ARHGAP15: variants seen among roughly 807,000 people sequenced by gnomAD.
ARHGAP15 encodes the protein rho GTPase-activating protein 15.
ARHGAP15 carries 51 observed loss-of-function variants against 63.7 expected under a neutral mutation model. The ratio of observed to expected loss-of-function variants is 0.80; its 90% CI spans 0.64 to 1.01. ARHGAP15 has a LOEUF of 1.01. Ranked by LOEUF, ARHGAP15 falls within the 50% of genes least tolerant of loss-of-function variation. The pLI is 0.00. For synonymous variants in ARHGAP15, 191 were observed against 193.8 expected, an observed-to-expected ratio of 0.99 and a Z score of 0.12; for missense variants, 560 against 564.6, an observed-to-expected ratio of 0.99 and a Z score of 0.08.
At chr2:143,423,646 C>A (rs1162073533) in intron 6 of ARHGAP15, among the ~76,000 whole-genome samples, 2 of 152,084 alleles carry the variant, frequency 1.3e-5, no homozygotes, top group African/African-American at 4.8e-5. Context: ...TAGGCAGTGT[C>A]TGAGTAGTTT....
chr2:143,179,407 C>T (rs1402046914), intron 2 of ARHGAP15, among the ~76,000 whole-genome samples: 2 of 152,194 alleles, frequency 1.3e-5, no homozygotes, highest in Non-Finnish European at 2.9e-5. Context: ...CTAGACATAG[C>T]TCAACTGTGT....
chr2:143,225,576 A>T (rs1046816519), intron 4 of ARHGAP15, among the ~76,000 whole-genome samples: 4 of 152,234 alleles, frequency 2.6e-5, no homozygotes, highest in African/African-American at 2.4e-5. Context: ...ACTCCAGTCC[A>T]GCCTGGGCGA....
intron 10 of ARHGAP15, among the ~76,000 whole-genome samples, chr2:143,546,842 A>T (rs1230371164): frequency 6.6e-6 from 1 of 152,164 alleles, no homozygotes; most frequent in African/African-American, 2.4e-5. Flanking sequence ...AGATACACTA[A>T]GTTTTTCTTC....
chr2:143,629,129 T>C (rs573366822), intron 12 of ARHGAP15, among the ~76,000 whole-genome samples: 2 of 151,950 alleles, frequency 1.3e-5, no homozygotes, highest in South Asian at 4.2e-4. Context: ...AGTTATCACA[T>C]AGTCCAAGAA....
At chr2:143,205,043 C>A (rs929828895) in intron 3 of ARHGAP15, among the ~76,000 whole-genome samples, 1 of 151,686 alleles carries the variant, frequency 6.6e-6, no homozygotes, top group Non-Finnish European at 1.5e-5. Flanking sequence ...AGGGGGCTCA[C>A]TTTAGGTTGG....
rs78502209 is a variant in ARHGAP15, at chr2:143,751,819, C to A, written c.1245-16170C>A. Reference sequence around the variant, plus strand: ...AAGCCCTATGTGGATCATCTGGGTGCCACTCTGTCCCCCTGGTGTAACAGC... The same window carrying A: ...AAGCCCTATGTGGATCATCTGGGTGACACTCTGTCCCCCTGGTGTAACAGC... On this transcript the variant is annotated intron_variant, in intron 13 of 13. Transcript: ENST00000295095. 4.1e-4 allele frequency among the ~76,000 whole-genome samples: 63 copies of A among 152,210 alleles called. 1 individual carries two copies. In the East Asian group the frequency reaches 0.011, roughly 26 times the overall value.
intron 4 of ARHGAP15, among the ~76,000 whole-genome samples, chr2:143,226,951 G>A (rs772607008): frequency 2.0e-5 from 3 of 151,982 alleles, no homozygotes; most frequent in Non-Finnish European, 2.9e-5. Context: ...AATAAATTAC[G>A]CAAAGATCTT....
rs574328552 is a variant in ARHGAP15, at chr2:143,331,499, A to G, written c.474+80899A>G. ...GTTTTGTTAAAATCCAGCAGAGCAC[A>G]TAATGAGTAACTATCATTCAATAAA... On this transcript the variant is annotated intron_variant, in intron 6 of 13. Coordinates refer to ENST00000295095, the MANE Select transcript of ARHGAP15 (RefSeq NM_018460.4). Among the ~76,000 whole-genome samples, 18 of 152,334 alleles carry G rather than the reference A, an allele frequency of 1.2e-4. No individual in the cohort carries two copies. In the South Asian group the frequency reaches 3.7e-3, roughly 32 times the overall value.
intron 9 of ARHGAP15, among the ~76,000 whole-genome samples, 167 bp downstream of exon 9, chr2:143,487,662 G>T (rs1029240782): frequency 6.6e-6 from 1 of 152,192 alleles, no homozygotes; most frequent in African/African-American, 2.4e-5. Context: ...CCAGAAAACA[G>T]ATCCTGAGAA....
At chr2:143,385,232 T>C (rs1394663894) in intron 6 of ARHGAP15, among the ~76,000 whole-genome samples, 1 of 152,086 alleles carries the variant, frequency 6.6e-6, no homozygotes, top group Non-Finnish European at 1.5e-5. Flanking sequence ...ATGCAGTTAT[T>C]TACAATGATT....
chr2:143,548,162 T>C (rs1360877168), intron 10 of ARHGAP15, among the ~76,000 whole-genome samples: 1 of 152,066 alleles, frequency 6.6e-6, no homozygotes, highest in East Asian at 1.9e-4. Flanking sequence ...ATATTAATGA[T>C]AAATATTTTT....
intron 12 of ARHGAP15, among the ~76,000 whole-genome samples, chr2:143,638,647 ATAATAATAAAAAATAAAT>A (rs1369420401): frequency 7.6e-6 from 1 of 132,402 alleles, no homozygotes. Flanking sequence ...AACTTAAAGT[ATAATAATAAAAAATAAAT>A]AAATAAAAGA....
intron 2 of ARHGAP15, among the ~76,000 whole-genome samples, chr2:143,160,140 A>G (rs1483408783): frequency 6.6e-6 from 1 of 151,888 alleles, no homozygotes; most frequent in Admixed American, 6.6e-5. Flanking sequence ...CCTTTTATCT[A>G]GCTCTGTAGT....
At chr2:143,581,630 C>T (rs559798009) in intron 11 of ARHGAP15, among the ~76,000 whole-genome samples, 1 of 152,106 alleles carries the variant, frequency 6.6e-6, no homozygotes, top group African/African-American at 2.4e-5. Flanking sequence ...GGCTTGTTAC[C>T]TTTACCTCTA....
At chr2:143,551,510 G>T (rs1204516540) in intron 10 of ARHGAP15, among the ~76,000 whole-genome samples, 1 of 152,166 alleles carries the variant, frequency 6.6e-6, no homozygotes, top group South Asian at 2.1e-4. Context: ...GGCAGCTACT[G>T]TACTTAGTTC....
At chr2:143,721,690 CT>C (rs890798975) in intron 13 of ARHGAP15, among the ~76,000 whole-genome samples, 200 of 145,816 alleles carry the variant, frequency 1.4e-3, no homozygotes, top group Admixed American at 1.5e-3. Flanking sequence ...CCTTTTTAAA[CT>C]TTTTTTTTTT....
chr2:143,383,584 G>A (rs564618155), intron 6 of ARHGAP15, among the ~76,000 whole-genome samples: 5 of 152,188 alleles, frequency 3.3e-5, no homozygotes, highest in East Asian at 1.9e-4. Flanking sequence ...TAACATTCTC[G>A]ATATTAAGCC....
intron 12 of ARHGAP15, among the ~76,000 whole-genome samples, chr2:143,666,961 C>T (rs1381187395): frequency 7.1e-6 from 1 of 140,232 alleles, no homozygotes; most frequent in Non-Finnish European, 1.5e-5. Flanking sequence ...AACACTTTTA[C>T]ACTGTTGGTG....
chr2:143,716,227 C>A (rs775564047), intron 13 of ARHGAP15, among the ~76,000 whole-genome samples: 2 of 152,102 alleles, frequency 1.3e-5, no homozygotes, highest in African/African-American at 2.4e-5. Context: ...TAAAAGGGTG[C>A]AAGCACTACA....
Sources: allele counts gnomAD v4.1 joint callset (sites outside exome capture counted in the v4.1 genomes callset), GRCh38; gene constraint gnomAD v4.1.1; transcripts MANE v1.5; gene names NCBI Gene and HGNC (gene_info 2026-07-23, HGNC 2026-07-21).